Variants in LGALS2 observed in about 807,000 individuals in gnomAD.
The protein encoded by LGALS2 is galectin 2.
LGALS2 carries 7 observed loss-of-function variants against 10.1 expected under a neutral mutation model. The ratio of observed to expected loss-of-function variants is 0.70; its 90% CI spans 0.40 to 1.31. The LOEUF (loss-of-function observed/expected upper bound fraction) is 1.31. Ranked by LOEUF, LGALS2 falls within the 50% of genes most tolerant of loss-of-function variation. LGALS2 has a pLI of 0.01. For synonymous variants in LGALS2, 86 were observed against 64.2 expected (o/e 1.34, Z -1.63); for missense variants, 167 against 163.6 (o/e 1.02, Z -0.11).
In LGALS2 at chr22:37,571,923, A is replaced by G; in HGVS notation, c.15T>C (p.Leu5=). 1 of 1,613,664 alleles carries G rather than the reference A, an allele frequency of 6.2e-7. No homozygotes were observed. Among genetic ancestry groups the G allele is most frequent in the Non-Finnish European group, 8.5e-7 (1 of 1,179,654 alleles). Reference sequence around the variant, plus strand: ...GCTTCATGTCCATGTTCTTAACCTCAAGTTCCCCCTGGGCCAACAGAGAAA... The same window carrying G: ...GCTTCATGTCCATGTTCTTAACCTCGAGTTCCCCCTGGGCCAACAGAGAAA... MTGE[L]EVKNMDMKPG... The change falls in exon 2 of 4, where the codon CTT becomes CTC. Residue 5 remains leucine (L), a synonymous_variant. Transcript: ENST00000215886.
intron 1 of LGALS2, among the ~76,000 whole-genome samples, chr22:37,577,257 C>T (rs1031677692): frequency 1.3e-5 from 2 of 152,078 alleles, no homozygotes; most frequent in Non-Finnish European, 2.9e-5. Flanking sequence ...GACCCTTCCA[C>T]GCAGGACCCC....
chr22:37,575,084 C>T (rs565704791), intron 1 of LGALS2, among the ~76,000 whole-genome samples: 1 of 152,014 alleles, frequency 6.6e-6, no homozygotes, highest in African/African-American at 2.4e-5. Context: ...CGGGGTTTCA[C>T]CACTTTGGCC....
chr22:37,573,001 C>T (rs895176196), intron 1 of LGALS2, among the ~76,000 whole-genome samples: 1 of 150,632 alleles, frequency 6.6e-6, no homozygotes, highest in Non-Finnish European at 1.5e-5. Flanking sequence ...AGGCCGGGCA[C>T]AGTGGCTCAC....
chr22:37,575,855 C>T (rs1468063220), intron 1 of LGALS2, among the ~76,000 whole-genome samples: 1 of 152,184 alleles, frequency 6.6e-6, no homozygotes, highest in African/African-American at 2.4e-5. Flanking sequence ...CTGCTCAGAC[C>T]AGAGCTTCTC....
intron 1 of LGALS2, among the ~76,000 whole-genome samples, chr22:37,576,368 C>T (rs923297113): frequency 8.1e-5 from 12 of 148,078 alleles, no homozygotes; most frequent in South Asian, 4.2e-4. Flanking sequence ...AGGAGAATGG[C>T]GTGAACCCGG....
In LGALS2 at chr22:37,576,680, C is replaced by G. The variant is rs1023727969; in HGVS notation, c.6+3220G>C. On this transcript the variant is annotated intron_variant, in intron 1 of 3. Transcript: ENST00000215886. ...CTCCTGCCAGCAGCCTGTGCCCACACCCCGAGCCCTGCAACAGTCAGGCCA... is the reference window on the plus strand; with the variant it reads ...CTCCTGCCAGCAGCCTGTGCCCACAGCCCGAGCCCTGCAACAGTCAGGCCA... Among the ~76,000 whole-genome samples, 5 of 152,170 alleles carry G rather than the reference C, an allele frequency of 3.3e-5. No homozygotes were observed. The South Asian group carries it at 8.3e-4, about 25-fold the overall frequency.
At position 37,577,048 on chromosome 22, in the gene LGALS2, G is replaced by T. The variant is rs1017897628; in HGVS notation, c.6+2852C>A. Among the ~76,000 whole-genome samples the T allele has an allele frequency of 5.3e-5, 8 of 152,298 alleles. No individual in the cohort carries two copies. In the South Asian group the frequency reaches 1.7e-3, roughly 32 times the overall value. On this transcript the variant is annotated intron_variant, in intron 1 of 3. Transcript: ENST00000215886. ...GTGCCGACTCTGCCCCTAATTGGCA[G>T]AGGGGCCTGGGGCCAGCTTAGCCCC...
At chr22:37,577,070 C>T (rs1160524533) in intron 1 of LGALS2, among the ~76,000 whole-genome samples, 1 of 152,150 alleles carries the variant, frequency 6.6e-6, no homozygotes, top group Non-Finnish European at 1.5e-5. Context: ...GCCAGCTTAG[C>T]CCCTTTCTGG....
In LGALS2 at chr22:37,570,426, G is replaced by A. The variant is rs757643409; in HGVS notation, c.250-14C>T. 6.2e-7 allele frequency: 1 copy of A among 1,610,486 alleles called. No homozygotes were observed. The highest frequency in any genetic ancestry group is 8.5e-7 in the Non-Finnish European group (1 of 1,177,558). On this transcript the variant is annotated splice_polypyrimidine_tract_variant and intron_variant, in intron 3 of 3. Coordinates refer to ENST00000215886, the MANE Select transcript of LGALS2 (RefSeq NM_006498.3). ...GGTCACTGTGAACTGTGGGGAGGGA[G>A]GGTGTCAAGGAGGCAGGAGGCCCTG...
At chr22:37,579,050 G>T (rs1400287219) in intron 1 of LGALS2, 2 of 149,124 alleles carry the variant, frequency 1.3e-5, no homozygotes, top group Non-Finnish European at 3.0e-5. Flanking sequence ...TCGTGCCATT[G>T]CACTCCAGCC....
intron 1 of LGALS2, among the ~76,000 whole-genome samples, chr22:37,577,544 T>C (rs1925726618): frequency 2.0e-5 from 3 of 151,116 alleles, no homozygotes; most frequent in African/African-American, 7.3e-5. Context: ...TCTTCTTTTT[T>C]GTTTTTGTAT....
intron 1 of LGALS2, 38 bp from the exon 2 acceptor site, chr22:37,571,969 A>C (rs770391760): frequency 1.3e-6 from 2 of 1,550,666 alleles, no homozygotes; most frequent in East Asian, 4.5e-5. Context: ...GAGTCCCCAC[A>C]GAAAATCAAT....
chr22:37,576,767 G>T (rs1925695396), intron 1 of LGALS2, among the ~76,000 whole-genome samples: 1 of 152,226 alleles, frequency 6.6e-6, no homozygotes, highest in African/African-American at 2.4e-5. Context: ...GCTCCTGGGG[G>T]CTGCCTGACT....
intron 3 of LGALS2, 59 bp downstream of exon 3, chr22:37,570,517 C>T (rs1038326066): frequency 1.2e-6 from 2 of 1,610,204 alleles, no homozygotes; most frequent in African/African-American, 2.7e-5. Flanking sequence ...GCCAGGCTCT[C>T]TTCCATCTGG....
At chr22:37,577,441 C>T (rs1032871465) in intron 1 of LGALS2, among the ~76,000 whole-genome samples, 1 of 151,826 alleles carries the variant, frequency 6.6e-6, no homozygotes, top group African/African-American at 2.4e-5. Context: ...CCTCTGCCTC[C>T]CGGGTTCAAC....
At chr22:37,577,828 T>G (rs1925734527) in intron 1 of LGALS2, among the ~76,000 whole-genome samples, 1 of 150,044 alleles carries the variant, frequency 6.7e-6, no homozygotes, top group South Asian at 2.1e-4. Context: ...CACAGAGGAG[T>G]CCACGTGAAG....
intron 1 of LGALS2, among the ~76,000 whole-genome samples, chr22:37,572,685 T>A (rs1925536017): frequency 6.6e-6 from 1 of 151,386 alleles, no homozygotes; most frequent in Non-Finnish European, 1.5e-5. Context: ...GAGAATGGTG[T>A]GAACCCGGGA....
intron 2 of LGALS2, 91 bp downstream of exon 2, chr22:37,571,758 G>C (rs1420155227): frequency 9.9e-7 from 1 of 1,007,828 alleles, no homozygotes; most frequent in Non-Finnish European, 1.6e-6. Context: ...CGTCCCTCTT[G>C]CCTGAGCACT....
intron 1 of LGALS2, 23 bp downstream of exon 1, chr22:37,579,877 C>G: frequency 4.4e-6 from 7 of 1,607,264 alleles, no homozygotes; most frequent in Non-Finnish European, 5.9e-6. Context: ...GTGGGGCAGG[C>G]AGCAGGGGGC....
Sources: allele counts gnomAD v4.1 joint callset (sites outside exome capture counted in the v4.1 genomes callset), GRCh38; gene constraint gnomAD v4.1.1; transcripts MANE v1.5; gene names NCBI Gene and HGNC (gene_info 2026-07-23, HGNC 2026-07-21).